DOCK1: variants seen among roughly 807,000 people sequenced by gnomAD.
The protein encoded by DOCK1 is dedicator of cytokinesis 1, also known as dedicator of cytokinesis protein 1.
A neutral mutation model predicts 262.7 loss-of-function variants in DOCK1; 138 were observed. The observed-to-expected ratio is 0.53, with a 90% CI of 0.46 to 0.61. The LOEUF (loss-of-function observed/expected upper bound fraction) is 0.61. Ranked by LOEUF, DOCK1 falls within the 20% of genes least tolerant of loss-of-function variation. The pLI is 0.00. For synonymous variants in DOCK1, 866 were observed against 867.4 expected (o/e 1.00, Z 0.03); for missense variants, 1,908 against 2,370.7 (o/e 0.80, Z 4.05).
At chr10:127,232,002 T>TA (rs750212494) in intron 27 of DOCK1, among the ~76,000 whole-genome samples, 2 of 152,092 alleles carry the variant, frequency 1.3e-5, no homozygotes, top group African/African-American at 4.8e-5. Flanking sequence ...AGGAGAGACA[T>TA]AAACAATTTA....
intron 23 of DOCK1, among the ~76,000 whole-genome samples, chr10:127,067,553 C>T (rs1291283131): frequency 2.0e-5 from 3 of 151,828 alleles, no homozygotes; most frequent in Non-Finnish European, 4.4e-5. Flanking sequence ...GTGTGTTGTG[C>T]ATATGAAGCT....
chr10:127,015,351 G>T (rs1301364961), intron 12 of DOCK1, among the ~76,000 whole-genome samples: 1 of 150,230 alleles, frequency 6.7e-6, no homozygotes, highest in African/African-American at 2.4e-5. Context: ...GAGCGCCCCC[G>T]CCCCCTCTGC....
At chr10:127,206,711 T>A (rs1215236736) in intron 27 of DOCK1, among the ~76,000 whole-genome samples, 1 of 152,228 alleles carries the variant, frequency 6.6e-6, no homozygotes, top group Non-Finnish European at 1.5e-5. Flanking sequence ...CTGTGTTAGC[T>A]GCTTTATACA....
In DOCK1 at chr10:127,026,427, G is replaced by A. The variant is rs1460938649; in HGVS notation, c.1624+3G>A. The A allele has an allele frequency of 2.5e-6, 4 of 1,573,818 alleles. No individual in the cohort carries two copies. The highest frequency in any genetic ancestry group is 3.5e-6 in the Non-Finnish European group (4 of 1,158,350). ...CCGCCACAGGTCATCACAGGACTGT[G>A]AGTAGTCAAGCACTTTCTTCCCCCA... is the stretch of plus-strand genomic sequence containing the variant. On this transcript the variant is annotated splice_donor_region_variant and intron_variant, in intron 16 of 51. Transcript: ENST00000623213.
At chr10:127,258,767 GTTGCTCCGCATCCAGCCT>G (rs1203612425) in intron 29 of DOCK1, among the ~76,000 whole-genome samples, 3 of 152,226 alleles carry the variant, frequency 2.0e-5, no homozygotes, top group Admixed American at 1.3e-4. Flanking sequence ...AAGTGATTCG[GTTGCTCCGCATCCAGCCT>G]TTGCCGTTGA....
At chr10:127,401,443 C>G (rs926597878) in intron 38 of DOCK1, among the ~76,000 whole-genome samples, 3 of 152,122 alleles carry the variant, frequency 2.0e-5, no homozygotes, top group Non-Finnish European at 4.4e-5. Flanking sequence ...GGAAGAGGGC[C>G]AAGCAGACAT....
chr10:127,339,575 A>C (rs1457756785), intron 30 of DOCK1, among the ~76,000 whole-genome samples: 1 of 149,520 alleles, frequency 6.7e-6, no homozygotes. Context: ...GTCCTCAGAA[A>C]TGCTCCTTTG....
intron 27 of DOCK1, 142 bp downstream of exon 27, chr10:127,127,906 C>G: frequency 3.5e-6 from 2 of 578,232 alleles, no homozygotes; most frequent in Non-Finnish European, 5.4e-6. Context: ...TCCTCATTTT[C>G]CAAATGAATG....
intron 21 of DOCK1, among the ~76,000 whole-genome samples, chr10:127,043,396 A>C (rs1431683363): frequency 1.3e-5 from 2 of 152,178 alleles, no homozygotes; most frequent in Non-Finnish European, 2.9e-5. Context: ...GTTCTCCCTC[A>C]CACCTTCCAT....
chr10:127,262,144 G>C (rs1269398641), intron 29 of DOCK1, among the ~76,000 whole-genome samples: 1 of 148,482 alleles, frequency 6.7e-6, no homozygotes, highest in Non-Finnish European at 1.5e-5. Context: ...GTGCTCGTCT[G>C]TGTGTGTACC....
chr10:127,439,051 A>C lies in DOCK1; in HGVS notation c.5085A>C (p.Pro1695=), dbSNP rs1212028350. 1 of 1,552,960 alleles carries C rather than the reference A, an allele frequency of 6.4e-7. No individual in the cohort carries two copies. Among genetic ancestry groups the C allele is most frequent in the Non-Finnish European group, 8.7e-7 (1 of 1,147,698 alleles). ...SDGFALEPLL[P]KKMHSRSQDK... ...GGTTTGCCCTGGAGCCTCTCCTGCC[A>C]AAGAAAATGCACTCCAGGTCCCAGG... The change falls in exon 49 of 52, where the codon CCA becomes CCC. Residue 1695 remains proline (P), a synonymous_variant. Coordinates refer to ENST00000623213, the MANE Select transcript of DOCK1 (RefSeq NM_001290223.2).
intron 23 of DOCK1, among the ~76,000 whole-genome samples, chr10:127,066,158 G>T (rs1283473006): frequency 6.6e-6 from 1 of 152,062 alleles, no homozygotes. Flanking sequence ...CTGCCCTCGA[G>T]TCGTGTTCTG....
chr10:127,202,193 C>A (rs2057493995), intron 27 of DOCK1, among the ~76,000 whole-genome samples: 1 of 152,050 alleles, frequency 6.6e-6, no homozygotes, highest in Non-Finnish European at 1.5e-5. Context: ...CATAGTGGCT[C>A]ATGACTGTAA....
rs1361816231 is a variant in DOCK1, at chr10:127,425,923, A to G, written c.4826A>G (p.Glu1609Gly). The change falls in exon 47 of 52, where the codon GAG (glutamate) becomes GGG (glycine). Residue 1609 changes from glutamate to glycine, a missense_variant. Transcript: ENST00000623213. ...GIRIHGDKVT[E>G]ALRPFHERME... is the part of the protein sequence containing the mutation. ...AGAATCCATGGAGACAAAGTCACGG[A>G]GGCACTGAGGCCGTTCCACGAGAGG... The G allele has an allele frequency of 6.2e-7, 1 of 1,613,896 alleles. No individual in the cohort carries two copies. Among genetic ancestry groups the G allele is most frequent in the Non-Finnish European group, 8.5e-7 (1 of 1,179,898 alleles).
At chr10:127,362,781 C>A (rs2064540285) in intron 33 of DOCK1, among the ~76,000 whole-genome samples, 1 of 136,542 alleles carries the variant, frequency 7.3e-6, no homozygotes, top group Non-Finnish European at 1.6e-5. Context: ...TTCTGGATCC[C>A]AAGAAAATAA....
chr10:127,435,195 T>C (rs141492755), intron 48 of DOCK1, among the ~76,000 whole-genome samples: 1 of 152,192 alleles, frequency 6.6e-6, no homozygotes, highest in Non-Finnish European at 1.5e-5. Context: ...AAGAAAAAAA[T>C]GTTGCATGCA....
intron 48 of DOCK1, among the ~76,000 whole-genome samples, chr10:127,434,972 A>G (rs940390262): frequency 6.6e-5 from 10 of 152,108 alleles, no homozygotes; most frequent in Non-Finnish European, 1.2e-4. Flanking sequence ...TTCTATCACT[A>G]TGATTTTGAC....
intron 27 of DOCK1, among the ~76,000 whole-genome samples, chr10:127,207,761 T>C (rs2057790023): frequency 1.3e-5 from 2 of 152,212 alleles, no homozygotes; most frequent in Non-Finnish European, 2.9e-5. Flanking sequence ...GGGAAGCAGC[T>C]GTAGAGAATA....
rs768792329 is a variant in DOCK1 at position 126,998,126 on chromosome 10, C to G, written c.644C>G (p.Ala215Gly). Residue 215 changes from alanine (A) to glycine (G), a missense_variant, in exon 8 of 52, where the codon GCC (alanine) becomes GGC (glycine). Physicochemically the swap from Ala to Gly is moderately conservative, Grantham distance 60. Coordinates refer to ENST00000623213, the MANE Select transcript of DOCK1 (RefSeq NM_001290223.2). ...CAGAACATAGATATTAACAGACAAG[C>G]CAAGTTTGCTGCAACCCCTTCTCTG... Reference protein sequence around the residue: ...QKQNIDINRQAKFAATPSLAL... With the variant: ...QKQNIDINRQGKFAATPSLAL... The G allele has an allele frequency of 6.2e-7, 1 of 1,613,986 alleles. No individual in the cohort carries two copies. Among genetic ancestry groups the G allele is most frequent in the South Asian group, 1.1e-5 (1 of 91,078 alleles).
Sources: allele counts gnomAD v4.1 joint callset (sites outside exome capture counted in the v4.1 genomes callset), GRCh38; gene constraint gnomAD v4.1.1; transcripts MANE v1.5; gene names NCBI Gene and HGNC (gene_info 2026-07-23, HGNC 2026-07-21).